SYT1: variants seen among roughly 807,000 people sequenced by gnomAD.
SYT1 encodes the protein synaptotagmin-1.
A neutral mutation model predicts 44.8 loss-of-function variants in SYT1; 8 were observed. The observed-to-expected ratio is 0.18, with a 90% CI of 0.10 to 0.32. The LOEUF (loss-of-function observed/expected upper bound fraction) is 0.32. Among genes scored for constraint, SYT1 ranks in the 10% least tolerant of loss-of-function variants. SYT1 has a pLI of 1.00. For missense variants in SYT1, 286 were observed against 509.3 expected, an observed-to-expected ratio of 0.56 and a Z score of 4.22; for synonymous variants, 154 against 188.8, an observed-to-expected ratio of 0.82 and a Z score of 1.51.
At chr12:79,209,090 T>G (rs1874292401) in intron 3 of SYT1, among the ~76,000 whole-genome samples, 1 of 152,200 alleles carries the variant, frequency 6.6e-6, no homozygotes, top group South Asian at 2.1e-4. Flanking sequence ...GCTGTTTCTT[T>G]GGAACTACTG....
intron 3 of SYT1, among the ~76,000 whole-genome samples, chr12:79,090,497 C>T (rs1047839030): frequency 3.9e-5 from 6 of 151,906 alleles, no homozygotes; most frequent in East Asian, 1.9e-4. Flanking sequence ...CTGAAGAATT[C>T]GCCCCATCAG....
intron 3 of SYT1, among the ~76,000 whole-genome samples, chr12:79,075,191 C>A (rs770168464): frequency 6.6e-6 from 1 of 152,146 alleles, no homozygotes; most frequent in Admixed American, 6.6e-5. Flanking sequence ...CCCATCAGTT[C>A]GTTCAATCTC....
At position 79,451,967 on chromosome 12, in the gene SYT1, T is replaced by C. The variant is rs1376560260; in HGVS notation, c.*2843T>C. The C allele has an allele frequency of 1.3e-5, 2 of 152,258 alleles. No homozygotes were observed. The highest frequency in any genetic ancestry group is 4.1e-4 in the South Asian group (2 of 4,836). 9.4% of individuals were successfully genotyped at this position (152,258 alleles called of 1,614,324 possible). On this transcript the variant is annotated 3_prime_UTR_variant, in exon 11 of 11. Transcript: ENST00000261205. Reference sequence around the variant, plus strand: ...GATTGTTGTTAAAAATGACTTAACATATTACACAGATATTCAATAAAAATG... The same window carrying C: ...GATTGTTGTTAAAAATGACTTAACACATTACACAGATATTCAATAAAAATG...
rs890668151 is a variant in SYT1 at position 79,184,361 on chromosome 12, T to C, written c.-17-33142T>C. Among the ~76,000 whole-genome samples the C allele has an allele frequency of 3.9e-5, 6 of 152,092 alleles. No individual in the cohort carries two copies. In the South Asian group the frequency reaches 1.2e-3, roughly 31 times the overall value. On this transcript the variant is annotated intron_variant, in intron 3 of 10. Coordinates refer to ENST00000261205, the MANE Select transcript of SYT1 (RefSeq NM_005639.3). ...GAGCTCCAAATGGAACTTATGCCTT[T>C]ATTAGTTATGTAACATTAGATACCT...
chr12:78,963,062 G>A (rs1046804824), intron 1 of SYT1, among the ~76,000 whole-genome samples: 6 of 151,944 alleles, frequency 3.9e-5, no homozygotes, highest in African/African-American at 1.5e-4. Context: ...TGAAGTATTT[G>A]ACCTTCTGTG....
intron 2 of SYT1, among the ~76,000 whole-genome samples, chr12:78,981,125 GTTTT>G (rs1171068435): frequency 8.2e-6 from 1 of 122,690 alleles, no homozygotes; most frequent in African/African-American, 3.1e-5. Flanking sequence ...TTGTTTCTTT[GTTTT>G]TTTTTTTTTT....
chr12:78,962,549 T>C (rs1311732494), intron 1 of SYT1, among the ~76,000 whole-genome samples: 1 of 152,050 alleles, frequency 6.6e-6, no homozygotes, highest in Admixed American at 6.6e-5. Context: ...AATAAGTATA[T>C]ATATGTGAGG....
intron 9 of SYT1, among the ~76,000 whole-genome samples, chr12:79,376,392 T>C (rs959054308): frequency 5.3e-5 from 8 of 152,186 alleles, no homozygotes; most frequent in African/African-American, 1.9e-4. Context: ...ATAGGGTAAC[T>C]TCCTGATGTT....
chr12:79,387,934 G>C (rs1884498688), intron 9 of SYT1, among the ~76,000 whole-genome samples: 1 of 152,130 alleles, frequency 6.6e-6, no homozygotes, highest in African/African-American at 2.4e-5. Flanking sequence ...AGTTAGAATG[G>C]TTTGATCAAT....
intron 3 of SYT1, among the ~76,000 whole-genome samples, chr12:79,145,287 CAT>C (rs956568251): frequency 1.5e-4 from 23 of 152,088 alleles, no homozygotes; most frequent in African/African-American, 5.1e-4. Context: ...TGATTAAAAA[CAT>C]ATTTTTCTAA....
intron 1 of SYT1, among the ~76,000 whole-genome samples, 163 bp downstream of exon 1, chr12:78,865,272 T>G (rs548309629): frequency 6.6e-6 from 1 of 152,280 alleles, no homozygotes; most frequent in East Asian, 1.9e-4. Flanking sequence ...AGACTACATG[T>G]GCATCTCCTG....
At chr12:79,300,420 C>G (rs528577102) in intron 8 of SYT1, among the ~76,000 whole-genome samples, 67 of 152,124 alleles carry the variant, frequency 4.4e-4, no homozygotes, top group Non-Finnish European at 8.2e-4. Context: ...ATCTCCAGGT[C>G]CCTAGGATTC....
rs546628879 is a variant in SYT1 at position 79,388,344 on chromosome 12, A to C, written c.928+34725A>C. 5.5e-4 allele frequency among the ~76,000 whole-genome samples: 83 copies of C among 152,162 alleles called. 1 individual carries two copies. The highest frequency in any genetic ancestry group is 2.0e-3 in the African/African-American group (81 of 41,496). Reference sequence around the variant, plus strand: ...ACACAGACTTTTTCCTGCTTCTTTAAGGGGGAAAAGTCTGCTAATTCAGGT... The same window carrying C: ...ACACAGACTTTTTCCTGCTTCTTTACGGGGGAAAAGTCTGCTAATTCAGGT... On this transcript the variant is annotated intron_variant, in intron 9 of 10. Coordinates refer to ENST00000261205, the MANE Select transcript of SYT1 (RefSeq NM_005639.3).
chr12:79,382,645 T>G (rs1022642774), intron 9 of SYT1, among the ~76,000 whole-genome samples: 2 of 152,212 alleles, frequency 1.3e-5, no homozygotes, highest in African/African-American at 2.4e-5. Context: ...CGTACTGCCC[T>G]TCTTGAAATG....
At chr12:79,008,825 T>G (rs187104099) in intron 2 of SYT1, among the ~76,000 whole-genome samples, 3 of 152,206 alleles carry the variant, frequency 2.0e-5, no homozygotes, top group Admixed American at 2.0e-4. Flanking sequence ...CCCCATGTCT[T>G]TTCTCCACAC....
intron 1 of SYT1, among the ~76,000 whole-genome samples, chr12:78,960,952 G>A (rs749465493): frequency 5.9e-5 from 9 of 151,956 alleles, no homozygotes; most frequent in Non-Finnish European, 8.8e-5. Flanking sequence ...AGCCCAATAT[G>A]GCTCTGTCAT....
At chr12:79,053,414 G>A (rs982726823) in intron 3 of SYT1, among the ~76,000 whole-genome samples, 8 of 151,844 alleles carry the variant, frequency 5.3e-5, no homozygotes, top group Non-Finnish European at 1.2e-4. Flanking sequence ...GCTAAATGAC[G>A]AGTTAATGGG....
intron 1 of SYT1, among the ~76,000 whole-genome samples, chr12:78,885,803 T>C (rs1270610192): frequency 1.3e-5 from 2 of 151,994 alleles, no homozygotes; most frequent in Non-Finnish European, 2.9e-5. Context: ...CACATCCAAC[T>C]TTGATATTTT....
At chr12:79,244,779 A>G (rs558102102) in intron 4 of SYT1, among the ~76,000 whole-genome samples, 1 of 151,654 alleles carries the variant, frequency 6.6e-6, no homozygotes, top group South Asian at 2.1e-4. Context: ...GTTTCCACAC[A>G]TCTCAGTTTA....
Sources: gnomAD v4.1 joint callset for allele counts (sites outside exome capture counted in the v4.1 genomes callset) on GRCh38, gnomAD v4.1.1 for gene constraint, MANE v1.5 for transcripts, NCBI Gene and HGNC (gene_info 2026-07-23, HGNC 2026-07-21) for gene names.